The following IFNAR1 variants were observed in gnomAD, a reference collection of about 807,000 sequenced individuals.
IFNAR1 encodes the protein interferon alpha and beta receptor subunit 1.
In IFNAR1, 47 loss-of-function variants were observed where a neutral mutation model predicts 62.1. That is an observed-to-expected ratio of 0.76 (90% CI 0.60 to 0.97). The LOEUF (loss-of-function observed/expected upper bound fraction) is 0.97. Among genes scored for constraint, IFNAR1 ranks in the 50% least tolerant of loss-of-function variants. IFNAR1 has a pLI of 0.00. For missense variants in IFNAR1, 638 were observed against 654.5 expected (o/e 0.97, Z 0.27); for synonymous variants, 219 against 226.9 (o/e 0.97, Z 0.31).
rs1185911363 is a variant in IFNAR1, at chr21:33,356,633, ACTAT to A, written c.*1088_*1091del. 1 of 152,222 alleles carries A rather than the reference ACTAT, an allele frequency of 6.6e-6. No individual in the cohort carries two copies. The highest frequency in any genetic ancestry group is 2.4e-5 in the African/African-American group (1 of 41,456). 9.4% of individuals were successfully genotyped at this position (152,222 alleles called of 1,614,324 possible). A position where few individuals can be genotyped will look rare whatever the true frequency, so the allele number is the denominator to read the frequency against. ...TCACTGAAGTCATAGAAAATAGGTA[ACTAT>A]CTAATTAGAGAAATAATTGTTGTAT... On this transcript the variant is annotated 3_prime_UTR_variant, in exon 11 of 11. Coordinates refer to ENST00000270139, the MANE Select transcript of IFNAR1 (RefSeq NM_000629.3).
intron 4 of IFNAR1, 45 bp downstream of exon 4, chr21:33,343,467 T>G: frequency 1.9e-6 from 3 of 1,572,856 alleles, no homozygotes; most frequent in Non-Finnish European, 2.6e-6. Flanking sequence ...GAGAGAAAAA[T>G]TAGGCGAATT....
intron 1 of IFNAR1, among the ~76,000 whole-genome samples, chr21:33,325,486 AT>A (rs2083118448): frequency 6.6e-6 from 1 of 152,146 alleles, no homozygotes; most frequent in African/African-American, 2.4e-5. Flanking sequence ...CCCGAAATGC[AT>A]TTCCTCAATC....
chr21:33,328,266 T>G (rs975415123), intron 1 of IFNAR1, among the ~76,000 whole-genome samples: 1 of 152,198 alleles, frequency 6.6e-6, no homozygotes, highest in Non-Finnish European at 1.5e-5. Context: ...ATAGCAGGCT[T>G]CAGAGAGAAT....
Position 33,357,123 on chromosome 21 carries a change from G to T in IFNAR1, c.*1574G>T, listed in dbSNP as rs1399592809. ...ACCCATGGATATCCTTAATAGGCAG[G>T]AAGTCTGGGAATTCTGGTGGCCTCT... is the stretch of plus-strand genomic sequence containing the variant. On this transcript the variant is annotated 3_prime_UTR_variant, in exon 11 of 11. Transcript: ENST00000270139. 2 of 152,208 alleles carry T rather than the reference G, an allele frequency of 1.3e-5. No homozygotes were observed. The highest frequency in any genetic ancestry group is 2.9e-5 in the Non-Finnish European group (2 of 68,060). The allele number at this position is 152,208 out of a possible 1,614,324, so 9.4% of individuals were successfully genotyped here.
At chr21:33,330,643 A>C (rs1477601784) in intron 1 of IFNAR1, among the ~76,000 whole-genome samples, 1 of 152,174 alleles carries the variant, frequency 6.6e-6, no homozygotes, top group African/African-American at 2.4e-5. Flanking sequence ...AGAACAACAA[A>C]TAAACAACTA....
At chr21:33,341,806 C>T (rs1033404595) in intron 3 of IFNAR1, among the ~76,000 whole-genome samples, 5 of 152,074 alleles carry the variant, frequency 3.3e-5, no homozygotes, top group Non-Finnish European at 2.9e-5. Context: ...CTCAGCCTCC[C>T]GAGTACCTGG....
At chr21:33,339,635 A>T (rs1302284649) in intron 2 of IFNAR1, among the ~76,000 whole-genome samples, 1 of 152,070 alleles carries the variant, frequency 6.6e-6, no homozygotes, top group Non-Finnish European at 1.5e-5. Context: ...CAAATCTGCT[A>T]AATTGGCCGG....
chr21:33,335,038 T>A, intron 1 of IFNAR1: 1 of 1,346,848 alleles, frequency 7.4e-7, no homozygotes, highest in Non-Finnish European at 1.1e-6. Flanking sequence ...TGTGATGATG[T>A]CACCACAAGG....
intron 2 of IFNAR1, 30 bp from the exon 3 acceptor site, chr21:33,340,965 GCTCA>G: frequency 7.5e-7 from 1 of 1,336,628 alleles, no homozygotes; most frequent in Non-Finnish European, 1.1e-6. Flanking sequence ...TTATACATTT[GCTCA>G]CTCATTCATT....
In IFNAR1 at chr21:33,343,680, A is replaced by G. The variant is rs753220143; in HGVS notation, c.673+4A>G. 6.4e-7 allele frequency: 1 copy of G among 1,570,500 alleles called. No homozygotes were observed. The highest frequency in any genetic ancestry group is 8.6e-7 in the Non-Finnish European group (1 of 1,161,450). ...GTACATTGTATAAAGACCACAGGTA[A>G]GGAAGATGTTTTGTTTTAGATTCAA... On this transcript the variant is annotated splice_donor_region_variant and intron_variant, in intron 5 of 10. Transcript: ENST00000270139.
chr21:33,328,124 T>C (rs1221721625), intron 1 of IFNAR1, among the ~76,000 whole-genome samples: 1 of 152,194 alleles, frequency 6.6e-6, no homozygotes, highest in Non-Finnish European at 1.5e-5. Context: ...TCTTTCTGTT[T>C]TTTTGTTTGT....
intron 8 of IFNAR1, among the ~76,000 whole-genome samples, chr21:33,350,428 C>G (rs1185492775): frequency 6.6e-6 from 1 of 151,942 alleles, no homozygotes. Flanking sequence ...CAGCTTTGCC[C>G]AACAAAATCT....
intron 8 of IFNAR1, among the ~76,000 whole-genome samples, chr21:33,352,446 G>GA (rs553939863): frequency 1.3e-5 from 2 of 151,128 alleles, no homozygotes; most frequent in Admixed American, 6.6e-5. Context: ...CTACCAAAAA[G>GA]AAAAAAAAAT....
rs2083477989 is a variant in IFNAR1, at chr21:33,359,309, A to G, written c.*3760A>G. The G allele has an allele frequency of 6.6e-6, 1 of 152,168 alleles. No homozygotes were observed. The highest frequency in any genetic ancestry group is 1.5e-5 in the Non-Finnish European group (1 of 68,046). 9.4% of individuals were successfully genotyped at this position (152,168 alleles called of 1,614,324 possible). ...TAATAAGCAATGGGCCCAAAAGTCT[A>G]GGAGTTTTTTTGTACTTAGTGAATT... On this transcript the variant is annotated 3_prime_UTR_variant, in exon 11 of 11. Transcript: ENST00000270139.
upstream of IFNAR1, chr21:33,324,579 C>T (rs2083104810): frequency 6.4e-6 from 1 of 156,796 alleles, no homozygotes; most frequent in South Asian, 1.7e-4. Context: ...CCACCCGCGC[C>T]CTCCGACTGC....
intron 1 of IFNAR1, among the ~76,000 whole-genome samples, chr21:33,331,254 C>A (rs1448410422): frequency 1.3e-5 from 2 of 152,196 alleles, no homozygotes; most frequent in Non-Finnish European, 2.9e-5. Context: ...CCACCCAGAG[C>A]AGTCATGCAC....
At position 33,353,018 on chromosome 21, in the gene IFNAR1, A is replaced by G. The variant is rs1471265123; in HGVS notation, c.1294+110A>G. ...ATTTTCTCTTTACTGCAAAAAATAT[A>G]TAGAAAGAATGTTTTCTTCATGAAC... On this transcript the variant is annotated intron_variant, in intron 9 of 10. Transcript: ENST00000270139. 1.2e-5 allele frequency: 8 copies of G among 673,090 alleles called. No individual in the cohort carries two copies. In the East Asian group the frequency reaches 1.8e-4, roughly 15 times the overall value. 41.7% of individuals were successfully genotyped at this position (673,090 alleles called of 1,614,324 possible). A position where few individuals can be genotyped will look rare whatever the true frequency, so the allele number is the denominator to read the frequency against.
intron 1 of IFNAR1, among the ~76,000 whole-genome samples, chr21:33,326,541 G>A (rs907674492): frequency 1.3e-5 from 2 of 152,154 alleles, no homozygotes; most frequent in Non-Finnish European, 2.9e-5. Context: ...CTAGACTTAG[G>A]TTGTAGACCT....
chr21:33,352,501 G>A (rs1458591359), intron 8 of IFNAR1, among the ~76,000 whole-genome samples: 3 of 151,968 alleles, frequency 2.0e-5, no homozygotes, highest in African/African-American at 7.3e-5. Context: ...TACTCAGGAG[G>A]GTGAGGCAGG....
Sources: gnomAD v4.1 joint callset for allele counts (sites outside exome capture counted in the v4.1 genomes callset) on GRCh38, gnomAD v4.1.1 for gene constraint, MANE v1.5 for transcripts, NCBI Gene and HGNC (gene_info 2026-07-23, HGNC 2026-07-21) for gene names.